Variants in GNAI1 observed in about 807,000 individuals in gnomAD.
GNAI1 encodes guanine nucleotide-binding protein G(i) subunit alpha-1.
A neutral mutation model predicts 38.9 loss-of-function variants in GNAI1; 11 were observed. The ratio of observed to expected loss-of-function variants is 0.28; its 90% CI spans 0.18 to 0.47. GNAI1 has a LOEUF of 0.47. Ranked by LOEUF, GNAI1 falls within the 20% of genes least tolerant of loss-of-function variation. The pLI, the probability that GNAI1 is intolerant of heterozygous loss-of-function variation, is 0.99. For missense variants in GNAI1, 317 were observed against 436.9 expected (o/e 0.73, Z 2.45); for synonymous variants, 166 against 145.1 (o/e 1.14, Z -1.04).
intron 1 of GNAI1, among the ~76,000 whole-genome samples, chr7:80,148,828 T>C (rs1249454554): frequency 6.6e-6 from 1 of 152,086 alleles, no homozygotes; most frequent in Non-Finnish European, 1.5e-5. Flanking sequence ...ATATCTCCAG[T>C]TTATTTGATG....
intron 5 of GNAI1, among the ~76,000 whole-genome samples, chr7:80,207,456 T>C (rs1788795649): frequency 6.6e-6 from 1 of 152,070 alleles, no homozygotes; most frequent in Non-Finnish European, 1.5e-5. Context: ...TTTAGGCTTC[T>C]TGGTTGAGGT....
At chr7:80,137,312 C>CTTTTTTT (rs1787435883) in intron 1 of GNAI1, among the ~76,000 whole-genome samples, 12 of 66,948 alleles carry the variant, frequency 1.8e-4, no homozygotes, top group African/African-American at 4.4e-4. Context: ...TTTTTCTTTT[C>CTTTTTTT]TTTTCTTTTT....
intron 1 of GNAI1, among the ~76,000 whole-genome samples, chr7:80,180,853 A>G (rs1025052621): frequency 1.3e-5 from 2 of 152,098 alleles, no homozygotes; most frequent in African/African-American, 4.8e-5. Context: ...TAAAGGTTCA[A>G]ACAGTACTGT....
At chr7:80,176,395 G>A (rs1020878723) in intron 1 of GNAI1, among the ~76,000 whole-genome samples, 4 of 152,182 alleles carry the variant, frequency 2.6e-5, no homozygotes, top group East Asian at 1.9e-4. Flanking sequence ...CAGGTTATCC[G>A]GAAGATCTAG....
In GNAI1 at chr7:80,134,831, G is replaced by A. The variant is rs1787374706; in HGVS notation, c.-330G>A. The A allele has an allele frequency of 5.9e-6, 1 of 168,780 alleles. No individual in the cohort carries two copies. Among genetic ancestry groups the A allele is most frequent in the Non-Finnish European group, 1.3e-5 (1 of 79,292 alleles). 10.5% of individuals were successfully genotyped at this position (168,780 alleles called of 1,614,324 possible). Reference sequence around the variant, plus strand: ...GGGGCCGCGGCGGCGCGCGGAGGCCGAGCTCGGCTGGGCTTGGCGAGGCTG... The same window carrying A: ...GGGGCCGCGGCGGCGCGCGGAGGCCAAGCTCGGCTGGGCTTGGCGAGGCTG... On this transcript the variant is annotated 5_prime_UTR_variant, in exon 1 of 8. Coordinates refer to ENST00000649796, the MANE Select transcript of GNAI1 (RefSeq NM_002069.6).
At chr7:80,190,358 G>T (rs1788460618) in intron 3 of GNAI1, among the ~76,000 whole-genome samples, 1 of 151,798 alleles carries the variant, frequency 6.6e-6, no homozygotes, top group Non-Finnish European at 1.5e-5. Context: ...AAAATTTCAA[G>T]TAGATTTCAA....
At chr7:80,157,440 A>G (rs1787838023) in intron 1 of GNAI1, among the ~76,000 whole-genome samples, 1 of 150,824 alleles carries the variant, frequency 6.6e-6, no homozygotes, top group Admixed American at 6.6e-5. Context: ...ACATGTTTTA[A>G]TGTCCTTTGT....
intron 1 of GNAI1, chr7:80,135,793 C>G: frequency 1.0e-6 from 1 of 985,812 alleles, no homozygotes; most frequent in Non-Finnish European, 1.2e-6. Flanking sequence ...TGAGATGGGG[C>G]TGAAGCGTCT....
intron 3 of GNAI1, among the ~76,000 whole-genome samples, chr7:80,197,219 T>G (rs1352252073): frequency 6.6e-6 from 1 of 150,834 alleles, no homozygotes; most frequent in Non-Finnish European, 1.5e-5. Flanking sequence ...GACATTATGC[T>G]TAGTGAAATA....
At chr7:80,177,915 A>G (rs1255979072) in intron 1 of GNAI1, among the ~76,000 whole-genome samples, 1 of 152,162 alleles carries the variant, frequency 6.6e-6, no homozygotes, top group Non-Finnish European at 1.5e-5. Flanking sequence ...CCTTTAATAG[A>G]TCTGAGTAAA....
intron 1 of GNAI1, among the ~76,000 whole-genome samples, chr7:80,136,997 T>C (rs1032733458): frequency 6.6e-6 from 1 of 152,156 alleles, no homozygotes; most frequent in African/African-American, 2.4e-5. Flanking sequence ...AGGTTGTTTT[T>C]GTGCATTGTA....
At chr7:80,165,394 CTGT>C (rs1787996650) in intron 1 of GNAI1, among the ~76,000 whole-genome samples, 2 of 152,234 alleles carry the variant, frequency 1.3e-5, no homozygotes, top group South Asian at 4.1e-4. Context: ...ATTTAAAGGG[CTGT>C]TAACATTCCA....
At chr7:80,156,849 A>G (rs1482030290) in intron 1 of GNAI1, among the ~76,000 whole-genome samples, 1 of 152,200 alleles carries the variant, frequency 6.6e-6, no homozygotes, top group Non-Finnish European at 1.5e-5. Flanking sequence ...CAGAGAGGGT[A>G]CAGAGCTTTC....
intron 3 of GNAI1, among the ~76,000 whole-genome samples, chr7:80,192,186 C>T (rs974208628): frequency 1.3e-5 from 2 of 152,130 alleles, no homozygotes; most frequent in Non-Finnish European, 2.9e-5. Flanking sequence ...ACAATCGATT[C>T]TCACTTCTGT....
chr7:80,164,028 A>C (rs1025153848), intron 1 of GNAI1, among the ~76,000 whole-genome samples: 137 of 138,530 alleles, frequency 9.9e-4, no homozygotes, highest in Non-Finnish European at 1.2e-3. Context: ...TCTTTGTCAA[A>C]CTGGTGCTTT....
intron 1 of GNAI1, among the ~76,000 whole-genome samples, chr7:80,170,881 A>C (rs1788089332): frequency 6.6e-6 from 1 of 152,204 alleles, no homozygotes; most frequent in African/African-American, 2.4e-5. Context: ...ATTAGTGATG[A>C]TGGATCAAAG....
At chr7:80,166,445 T>G (rs1562829521) in intron 1 of GNAI1, among the ~76,000 whole-genome samples, 1 of 152,176 alleles carries the variant, frequency 6.6e-6, no homozygotes, top group African/African-American at 2.4e-5. Context: ...CAAAATAGAT[T>G]GATACATTAT....
intron 5 of GNAI1, among the ~76,000 whole-genome samples, chr7:80,205,830 T>C (rs1257914758): frequency 1.3e-5 from 2 of 152,142 alleles, no homozygotes; most frequent in Non-Finnish European, 2.9e-5. Context: ...ATTGAAATTA[T>C]TTTGTCTTTT....
At chr7:80,155,758 G>A (rs980522342) in intron 1 of GNAI1, among the ~76,000 whole-genome samples, 14 of 152,088 alleles carry the variant, frequency 9.2e-5, no homozygotes, top group Non-Finnish European at 2.1e-4. Flanking sequence ...GTGTTATTGA[G>A]CAGACTATTA....
Sources: allele counts gnomAD v4.1 joint callset (sites outside exome capture counted in the v4.1 genomes callset), GRCh38; gene constraint gnomAD v4.1.1; transcripts MANE v1.5; gene names NCBI Gene and HGNC (gene_info 2026-07-23, HGNC 2026-07-21).